SORCS3: variants seen among roughly 807,000 people sequenced by gnomAD.
The protein encoded by SORCS3 is VPS10 domain-containing receptor SorCS3.
In SORCS3, 57 loss-of-function variants were observed where a neutral mutation model predicts 146.3. That is an observed-to-expected ratio of 0.39 (90% CI 0.31 to 0.49). The LOEUF is 0.49. Ranked by LOEUF, SORCS3 falls within the 20% of genes least tolerant of loss-of-function variation. The pLI, the probability that SORCS3 is intolerant of heterozygous loss-of-function variation, is 0.92. For synonymous variants in SORCS3, 653 were observed against 618.5 expected, an observed-to-expected ratio of 1.06 and a Z score of -0.83; for missense variants, 1,341 against 1,575.5, an observed-to-expected ratio of 0.85 and a Z score of 2.52.
At chr10:105,053,630 T>C (rs1414901769) in intron 5 of SORCS3, among the ~76,000 whole-genome samples, 2 of 151,972 alleles carry the variant, frequency 1.3e-5, no homozygotes, top group Admixed American at 1.3e-4. Flanking sequence ...TATTTTTCAT[T>C]CAGATCATAT....
At chr10:105,169,098 G>T (rs2056338698) in intron 13 of SORCS3, among the ~76,000 whole-genome samples, 1 of 152,060 alleles carries the variant, frequency 6.6e-6, no homozygotes, top group Non-Finnish European at 1.5e-5. Flanking sequence ...CCCAACCTAT[G>T]TATGTAGGTA....
intron 3 of SORCS3, among the ~76,000 whole-genome samples, chr10:104,976,377 G>T (rs1432133593): frequency 4.6e-5 from 7 of 152,180 alleles, no homozygotes; most frequent in Non-Finnish European, 8.8e-5. Flanking sequence ...TCTCACACCA[G>T]TTAGAATGGC....
intron 7 of SORCS3, among the ~76,000 whole-genome samples, chr10:105,116,794 A>G (rs2055896500): frequency 6.6e-6 from 1 of 152,154 alleles, no homozygotes; most frequent in South Asian, 2.1e-4. Flanking sequence ...ATAGAAAACC[A>G]TATACCTCAC....
chr10:104,940,238 A>ATATATATATATATATATTTT (rs1435205868), intron 3 of SORCS3, among the ~76,000 whole-genome samples: 7 of 31,502 alleles, frequency 2.2e-4, no homozygotes, highest in South Asian at 2.0e-3. Flanking sequence ...ATATATATAT[A>ATATATATATATATATATTTT]TTTTTTTTTT....
At chr10:105,073,396 C>T (rs771140804) in intron 5 of SORCS3, among the ~76,000 whole-genome samples, 1 of 152,178 alleles carries the variant, frequency 6.6e-6, no homozygotes, top group Non-Finnish European at 1.5e-5. Context: ...ACGCTGGACA[C>T]AGGGTGTTCA....
chr10:104,644,616 A>G (rs1257905809), intron 1 of SORCS3, among the ~76,000 whole-genome samples: 1 of 152,234 alleles, frequency 6.6e-6, no homozygotes, highest in African/African-American at 2.4e-5. Context: ...TTGGTTTCAA[A>G]GTGGAGGGAG....
At position 104,972,273 on chromosome 10, in the gene SORCS3, G is replaced by A. The variant is rs552617691; in HGVS notation, c.796-5062G>A. On this transcript the variant is annotated intron_variant, in intron 3 of 26. Transcript: ENST00000369701. ...TTATTATTGAGGAAGCTGAGGTTAGGTAACTTTCTCAAGATGATACAATAT... is the reference window on the plus strand; with the variant it reads ...TTATTATTGAGGAAGCTGAGGTTAGATAACTTTCTCAAGATGATACAATAT... Among the ~76,000 whole-genome samples the A allele has an allele frequency of 9.2e-5, 14 of 152,254 alleles. No homozygotes were observed. The East Asian group carries it at 2.7e-3, about 29-fold the overall frequency.
At chr10:105,014,557 G>A (rs2055154365) in intron 4 of SORCS3, among the ~76,000 whole-genome samples, 1 of 152,084 alleles carries the variant, frequency 6.6e-6, no homozygotes, top group Non-Finnish European at 1.5e-5. Flanking sequence ...TATCTATTTT[G>A]TATAAAGAAA....
intron 7 of SORCS3, among the ~76,000 whole-genome samples, chr10:105,119,055 G>A (rs969014275): frequency 6.6e-6 from 1 of 152,144 alleles, no homozygotes; most frequent in Non-Finnish European, 1.5e-5. Flanking sequence ...TCACAGTCCC[G>A]AGGTCTAGGA....
chr10:105,225,527 A>G (rs2119676562), intron 20 of SORCS3, among the ~76,000 whole-genome samples: 1 of 151,964 alleles, frequency 6.6e-6, no homozygotes, highest in Middle Eastern at 3.4e-3. Flanking sequence ...CAGTTCTTCA[A>G]CTTTGTTCTC....
At chr10:105,159,105 C>T (rs2056239300) in intron 11 of SORCS3, 111 bp downstream of exon 11, 1 of 706,168 alleles carries the variant, frequency 1.4e-6, no homozygotes, top group Admixed American at 2.9e-5. Context: ...GCTGTGAGCA[C>T]TCGCCCCAGA....
At chr10:104,712,854 A>G (rs2016434564) in intron 1 of SORCS3, among the ~76,000 whole-genome samples, 2 of 152,182 alleles carry the variant, frequency 1.3e-5, no homozygotes, top group Admixed American at 1.3e-4. Flanking sequence ...GGATATAGCA[A>G]TTTATAACCC....
At chr10:104,917,885 T>C (rs1157707199) in intron 3 of SORCS3, among the ~76,000 whole-genome samples, 4 of 152,250 alleles carry the variant, frequency 2.6e-5, no homozygotes, top group East Asian at 1.9e-4. Context: ...CATCCATTGA[T>C]AGACACTTAG....
chr10:104,787,219 T>C (rs906551253), intron 1 of SORCS3, among the ~76,000 whole-genome samples: 1 of 152,066 alleles, frequency 6.6e-6, no homozygotes, highest in Non-Finnish European at 1.5e-5. Context: ...GGGGGTGGGA[T>C]TGGGGAGGAT....
At chr10:104,940,108 T>G in intron 3 of SORCS3, among the ~76,000 whole-genome samples, 1 of 150,412 alleles carries the variant, frequency 6.6e-6, no homozygotes. Flanking sequence ...TATGGTTATC[T>G]CTTGATCATA....
At chr10:105,050,245 G>A (rs2055401625) in intron 5 of SORCS3, among the ~76,000 whole-genome samples, 1 of 152,092 alleles carries the variant, frequency 6.6e-6, no homozygotes, top group Non-Finnish European at 1.5e-5. Flanking sequence ...AGTCTATGGT[G>A]TTCTCTTCTT....
chr10:105,153,620 G>A (rs939419332), intron 9 of SORCS3, among the ~76,000 whole-genome samples: 1 of 139,228 alleles, frequency 7.2e-6, no homozygotes, highest in Non-Finnish European at 1.5e-5. Flanking sequence ...CAGAGAGAGA[G>A]GAGAGAGAGA....
intron 2 of SORCS3, among the ~76,000 whole-genome samples, chr10:104,845,019 C>A (rs925605615): frequency 1.3e-5 from 2 of 152,212 alleles, no homozygotes; most frequent in Non-Finnish European, 2.9e-5. Flanking sequence ...GCTCTAGCCT[C>A]ATTTTACTTG....
chr10:105,132,666 A>T (rs556458389), intron 7 of SORCS3, among the ~76,000 whole-genome samples: 3 of 152,188 alleles, frequency 2.0e-5, no homozygotes, highest in Admixed American at 2.0e-4. Flanking sequence ...GTCAGAAGAG[A>T]TAGATGTGTT....
Sources: allele counts gnomAD v4.1 joint callset (sites outside exome capture counted in the v4.1 genomes callset), GRCh38; gene constraint gnomAD v4.1.1; transcripts MANE v1.5; gene names NCBI Gene and HGNC (gene_info 2026-07-23, HGNC 2026-07-21).